The following TMEM132D variants were observed in gnomAD, a reference collection of about 807,000 sequenced individuals.
TMEM132D encodes the protein mature OL transmembrane protein.
A neutral mutation model predicts 62.3 loss-of-function variants in TMEM132D; 21 were observed. The observed-to-expected ratio is 0.34, with a 90% CI of 0.24 to 0.49. The LOEUF (loss-of-function observed/expected upper bound fraction) is 0.49, where lower values mean the gene tolerates loss of function less well. Among genes scored for constraint, TMEM132D ranks in the 20% least tolerant of loss-of-function variants. The pLI, the probability that TMEM132D is intolerant of heterozygous loss-of-function variation, is 0.99. For missense variants in TMEM132D, 1,346 were observed against 1,402.8 expected, an observed-to-expected ratio of 0.96 and a Z score of 0.65; for synonymous variants, 621 against 575.6, an observed-to-expected ratio of 1.08 and a Z score of -1.13.
intron 5 of TMEM132D, among the ~76,000 whole-genome samples, chr12:129,099,602 G>A (rs865989000): frequency 3.9e-5 from 6 of 152,190 alleles, no homozygotes; most frequent in Admixed American, 6.5e-5. Flanking sequence ...CTGTTCACAC[G>A]GGTGGCCGTG....
chr12:129,265,861 A>T (rs1237544895), intron 4 of TMEM132D, among the ~76,000 whole-genome samples: 2 of 151,820 alleles, frequency 1.3e-5, no homozygotes, highest in Non-Finnish European at 2.9e-5. Context: ...TCCCTCTTAC[A>T]ATCTTTCTCT....
At position 129,296,085 on chromosome 12, in the gene TMEM132D, C is replaced by CAT. The variant is rs1167638298; in HGVS notation, c.1299+41547_1299+41548dup. 1.2e-3 allele frequency among the ~76,000 whole-genome samples: 182 copies of CAT among 146,080 alleles called. 1 individual carries two copies. The highest frequency in any genetic ancestry group is 2.3e-3 in the Admixed American group (34 of 14,674). On this transcript the variant is annotated intron_variant, in intron 4 of 8. Transcript: ENST00000422113. ...ATGAACATGCACACACACACACACA[C>CAT]ATATATATATATATACATATGTATA...
At chr12:129,269,075 C>T (rs888006654) in intron 4 of TMEM132D, among the ~76,000 whole-genome samples, 7 of 151,304 alleles carry the variant, frequency 4.6e-5, no homozygotes, top group Non-Finnish European at 8.8e-5. Flanking sequence ...TGCTAAATGA[C>T]GAGTTAATGG....
intron 3 of TMEM132D, among the ~76,000 whole-genome samples, chr12:129,353,333 A>C (rs1869930664): frequency 6.6e-6 from 1 of 152,136 alleles, no homozygotes; most frequent in African/African-American, 2.4e-5. Context: ...AAATTTAAAA[A>C]ACATGAATTT....
intron 3 of TMEM132D, among the ~76,000 whole-genome samples, chr12:129,364,476 C>T (rs1230238200): frequency 1.3e-5 from 2 of 152,212 alleles, no homozygotes; most frequent in Admixed American, 6.5e-5. Context: ...TATGCCTATG[C>T]AAAGCTTGTA....
At chr12:129,439,542 T>G (rs1303237900) in intron 3 of TMEM132D, among the ~76,000 whole-genome samples, 1 of 151,650 alleles carries the variant, frequency 6.6e-6, no homozygotes, top group Non-Finnish European at 1.5e-5. Context: ...CTCCCCCTCC[T>G]GGGTTCAAGT....
intron 2 of TMEM132D, among the ~76,000 whole-genome samples, chr12:129,550,378 G>A (rs1333250913): frequency 6.6e-6 from 1 of 152,136 alleles, no homozygotes; most frequent in South Asian, 2.1e-4. Context: ...TAATCACTAT[G>A]TTCCCCCTCT....
intron 3 of TMEM132D, among the ~76,000 whole-genome samples, chr12:129,380,098 G>A (rs1204271360): frequency 6.6e-6 from 1 of 151,994 alleles, no homozygotes; most frequent in African/African-American, 2.4e-5. Flanking sequence ...TTGTCTTATT[G>A]GTGATCAAAG....
chr12:129,413,900 C>G (rs77371954), intron 3 of TMEM132D, among the ~76,000 whole-genome samples: 1 of 152,246 alleles, frequency 6.6e-6, no homozygotes, highest in East Asian at 1.9e-4. Context: ...TGGGCATGAA[C>G]GAACAATACC....
At chr12:129,385,100 T>C (rs979523622) in intron 3 of TMEM132D, among the ~76,000 whole-genome samples, 1 of 145,068 alleles carries the variant, frequency 6.9e-6, no homozygotes, top group Middle Eastern at 3.4e-3. Flanking sequence ...TTTTTTTTTT[T>C]TTTTTTTTTT....
chr12:129,816,205 C>T (rs1418924299), intron 1 of TMEM132D, among the ~76,000 whole-genome samples: 1 of 152,128 alleles, frequency 6.6e-6, no homozygotes, highest in Admixed American at 6.5e-5. Flanking sequence ...CCGTGTTCAT[C>T]TTTTTTGAGA....
chr12:129,481,162 A>C (rs2137053439), intron 3 of TMEM132D, among the ~76,000 whole-genome samples: 1 of 152,230 alleles, frequency 6.6e-6, no homozygotes, highest in South Asian at 2.1e-4. Flanking sequence ...AACTTAAGGA[A>C]GAGTTTAACA....
intron 2 of TMEM132D, among the ~76,000 whole-genome samples, chr12:129,685,546 G>T (rs1354207413): frequency 6.6e-6 from 1 of 152,192 alleles, no homozygotes; most frequent in African/African-American, 2.4e-5. Flanking sequence ...ACTGCTACAG[G>T]GGCAGGGCCC....
At chr12:129,724,799 A>C (rs924686823) in intron 1 of TMEM132D, among the ~76,000 whole-genome samples, 1 of 152,206 alleles carries the variant, frequency 6.6e-6, no homozygotes, top group Non-Finnish European at 1.5e-5. Context: ...CTGGGATTAC[A>C]GGCATGAGCC....
chr12:129,085,207 C>T (rs566208386), intron 5 of TMEM132D: 1 of 164,140 alleles, frequency 6.1e-6, no homozygotes, highest in Non-Finnish European at 1.3e-5. Context: ...TGGACCTGAC[C>T]TTGCTTAGCC....
At chr12:129,616,684 G>A (rs1878925626) in intron 2 of TMEM132D, among the ~76,000 whole-genome samples, 1 of 152,178 alleles carries the variant, frequency 6.6e-6, no homozygotes, top group African/African-American at 2.4e-5. Context: ...TGTGAAGAAG[G>A]ACGTGTCTGC....
chr12:129,253,815 C>A (rs1179964131), intron 4 of TMEM132D, among the ~76,000 whole-genome samples: 1 of 152,188 alleles, frequency 6.6e-6, no homozygotes, highest in Non-Finnish European at 1.5e-5. Context: ...CCAGGGGAGA[C>A]TGGCTCTGGT....
intron 5 of TMEM132D, among the ~76,000 whole-genome samples, chr12:129,176,858 A>G (rs1168405976): frequency 6.6e-6 from 1 of 152,236 alleles, no homozygotes; most frequent in Admixed American, 6.5e-5. Flanking sequence ...GACAGCTGTT[A>G]AGAAGTAAAG....
intron 3 of TMEM132D, among the ~76,000 whole-genome samples, chr12:129,360,110 CACTGCACAT>C (rs1397651019): frequency 6.6e-6 from 1 of 152,000 alleles, no homozygotes; most frequent in Non-Finnish European, 1.5e-5. Context: ...GATATGAAAC[CACTGCACAT>C]GCTGCAGGAC....
Sources: gnomAD v4.1 joint callset for allele counts (sites outside exome capture counted in the v4.1 genomes callset) on GRCh38, gnomAD v4.1.1 for gene constraint, MANE v1.5 for transcripts, NCBI Gene and HGNC (gene_info 2026-07-23, HGNC 2026-07-21) for gene names.